SGIP1: variants seen among roughly 807,000 people sequenced by gnomAD.
SGIP1 encodes SH3-containing GRB2-like protein 3-interacting protein 1.
Under a neutral mutation model 107.5 loss-of-function variants are expected in SGIP1, and 38 were observed. The ratio of observed to expected loss-of-function variants is 0.35; its 90% CI spans 0.27 to 0.46. The LOEUF (loss-of-function observed/expected upper bound fraction) is 0.46, where lower values mean the gene tolerates loss of function less well. Ranked by LOEUF, SGIP1 falls within the 20% of genes least tolerant of loss-of-function variation. The pLI is 1.00. For synonymous variants in SGIP1, 365 were observed against 366.1 expected (o/e 1.00, Z 0.03); for missense variants, 929 against 1,019.5 (o/e 0.91, Z 1.21).
Position 66,682,398 on chromosome 1 carries a change from G to T in SGIP1, c.1315+29G>T, listed in dbSNP as rs1364115761. ...TGTCTTATGCTTGAGTGTGCTTCTT[G>T]TGACGGGGAATGGCCATGGCTGCTG... On this transcript the variant is annotated intron_variant, in intron 15 of 24. Coordinates refer to ENST00000371037, the MANE Select transcript of SGIP1 (RefSeq NM_032291.4). 8 of 1,578,870 alleles carry T rather than the reference G, an allele frequency of 5.1e-6. No homozygotes were observed. In the South Asian group the frequency reaches 9.4e-5, roughly 19 times the overall value.
At chr1:66,734,171 T>C (rs954615945) in intron 21 of SGIP1, among the ~76,000 whole-genome samples, 3 of 152,102 alleles carry the variant, frequency 2.0e-5, no homozygotes, top group Non-Finnish European at 4.4e-5. Context: ...AGATTATAAG[T>C]TTATATTGAT....
At chr1:66,742,933 T>C (rs2094504097) in intron 24 of SGIP1, 140 bp from the exon 25 acceptor site, 2 of 759,758 alleles carry the variant, frequency 2.6e-6, no homozygotes, top group South Asian at 3.6e-5. Flanking sequence ...ACTTTATGTA[T>C]CTTTTATTCG....
In SGIP1 at chr1:66,750,547, A is replaced by G. The variant is rs2094609947; in HGVS notation, c.*7452A>G. 6.6e-6 allele frequency among the ~76,000 whole-genome samples: 1 copy of G among 152,256 alleles called. No individual in the cohort carries two copies. The highest frequency in any genetic ancestry group is 6.5e-5 in the Admixed American group (1 of 15,288). Reference sequence around the variant, plus strand: ...TTCTTTTTAATCTTGTACTAAGTACATAATTTCACAAAAATACCTTGGGCA... The same window carrying G: ...TTCTTTTTAATCTTGTACTAAGTACGTAATTTCACAAAAATACCTTGGGCA... On this transcript the variant is annotated 3_prime_UTR_variant, in exon 25 of 25. Coordinates refer to ENST00000371037, the MANE Select transcript of SGIP1 (RefSeq NM_032291.4).
intron 18 of SGIP1, among the ~76,000 whole-genome samples, chr1:66,697,185 T>A (rs1171076656): frequency 6.6e-6 from 1 of 152,228 alleles, no homozygotes; most frequent in East Asian, 1.9e-4. Flanking sequence ...AGAGATCTTT[T>A]TTGAAGAAAC....
chr1:66,544,164 A>G (rs906315144), intron 1 of SGIP1, among the ~76,000 whole-genome samples: 1 of 152,286 alleles, frequency 6.6e-6, no homozygotes, highest in South Asian at 2.1e-4. Context: ...AGTTACAAGC[A>G]TACTCTATCA....
intron 19 of SGIP1, among the ~76,000 whole-genome samples, chr1:66,724,622 G>C (rs531990128): frequency 9.9e-5 from 15 of 152,220 alleles, no homozygotes; most frequent in African/African-American, 3.4e-4. Flanking sequence ...GAAAGCAGAG[G>C]CTATTTTGCT....
chr1:66,568,596 G>A (rs1231446435), intron 1 of SGIP1, among the ~76,000 whole-genome samples: 1 of 151,990 alleles, frequency 6.6e-6, no homozygotes, highest in African/African-American at 2.4e-5. Context: ...AATGCTTCCA[G>A]CTTTTGCCTA....
Position 66,743,070 on chromosome 1 carries a change from C to T in SGIP1, c.2465-3C>T. The T allele has an allele frequency of 6.2e-7, 1 of 1,613,406 alleles. No individual in the cohort carries two copies. The highest frequency in any genetic ancestry group is 1.3e-5 in the African/African-American group (1 of 74,996). On this transcript the variant is annotated splice_polypyrimidine_tract_variant and splice_region_variant and intron_variant, in intron 24 of 24. Transcript: ENST00000371037. The stretch of plus-strand genomic sequence containing the variant: ...CCTGTTGACATGCTGTTTTGTTTTG[C>T]AGGAAAATACTTGGCAGATAACTAA...
At chr1:66,642,702 TAAAAG>T (rs538771429) in intron 5 of SGIP1, 103 bp from the exon 6 acceptor site, 719 of 917,184 alleles carry the variant, frequency 7.8e-4, no homozygotes, top group African/African-American at 1.4e-3. Context: ...CTTCATCTCC[TAAAAG>T]AAAAGACTTT....
At chr1:66,589,114 C>T (rs1247773142) in intron 1 of SGIP1, among the ~76,000 whole-genome samples, 3 of 134,090 alleles carry the variant, frequency 2.2e-5, no homozygotes, top group African/African-American at 8.1e-5. Flanking sequence ...TAATTTTTTC[C>T]ACTTAGATTC....
At chr1:66,608,237 A>G (rs551112489) in intron 1 of SGIP1, among the ~76,000 whole-genome samples, 1 of 152,378 alleles carries the variant, frequency 6.6e-6, no homozygotes, top group East Asian at 1.9e-4. Context: ...GTGATAATGC[A>G]TGAAAAGTAC....
At chr1:66,610,902 A>G (rs796582709) in intron 1 of SGIP1, among the ~76,000 whole-genome samples, 1 of 152,122 alleles carries the variant, frequency 6.6e-6, no homozygotes. Flanking sequence ...CAAACATTGT[A>G]TGCTCTCACT....
Position 66,675,541 on chromosome 1 carries a change from C to CTTTTT in SGIP1, c.647-1449_647-1445dup, listed in dbSNP as rs71242802. Among the ~76,000 whole-genome samples, 40 of 112,376 alleles carry CTTTTT rather than the reference C, an allele frequency of 3.6e-4. 1 individual carries two copies. Among genetic ancestry groups the CTTTTT allele is most frequent in the African/African-American group, 7.4e-4 (19 of 25,692 alleles). The allele number at this position is 112,376 out of a possible 152,430, so 73.7% of individuals were successfully genotyped here. A position where few individuals can be genotyped will look rare whatever the true frequency, so the allele number is the denominator to read the frequency against. On this transcript the variant is annotated intron_variant, in intron 12 of 24. Transcript: ENST00000371037. ...GTTGTTTTTCTTTTTCTTTTTCTTTCTTTTTTTTTTTTTTTTTTGACAGAA... is the reference window on the plus strand; with the variant it reads ...GTTGTTTTTCTTTTTCTTTTTCTTTCTTTTTTTTTTTTTTTTTTTTTTTGACAGAA...
intron 18 of SGIP1, among the ~76,000 whole-genome samples, chr1:66,709,049 T>C (rs983762982): frequency 1.3e-5 from 2 of 150,762 alleles, no homozygotes; most frequent in Admixed American, 6.6e-5. Flanking sequence ...CTGGGATACA[T>C]GCGCAGAGTT....
Position 66,690,172 on chromosome 1 carries a change from C to A in SGIP1, c.1444-18C>A, listed in dbSNP as rs1553157304. On this transcript the variant is annotated intron_variant, in intron 16 of 24. Transcript: ENST00000371037. ...AACCTGTGTATCTAACTTTTCATCTCTTTTCTTCTCCTTACAGTCCAGACC... is the reference window on the plus strand; with the variant it reads ...AACCTGTGTATCTAACTTTTCATCTATTTTCTTCTCCTTACAGTCCAGACC... 3 of 1,600,206 alleles carry A rather than the reference C, an allele frequency of 1.9e-6. No individual in the cohort carries two copies. The highest frequency in any genetic ancestry group is 2.6e-6 in the Non-Finnish European group (3 of 1,173,088).
At chr1:66,664,098 C>T (rs985613023) in intron 8 of SGIP1, among the ~76,000 whole-genome samples, 1 of 152,040 alleles carries the variant, frequency 6.6e-6, no homozygotes, top group Admixed American at 6.6e-5. Context: ...TCCCATACTT[C>T]TTTCTACACC....
At chr1:66,582,898 T>C (rs2062018814) in intron 1 of SGIP1, among the ~76,000 whole-genome samples, 1 of 151,590 alleles carries the variant, frequency 6.6e-6, no homozygotes, top group Non-Finnish European at 1.5e-5. Context: ...AGATGCTGTA[T>C]GCTAGGAAAA....
At chr1:66,555,138 C>T (rs540469517) in intron 1 of SGIP1, among the ~76,000 whole-genome samples, 8 of 152,170 alleles carry the variant, frequency 5.3e-5, no homozygotes, top group South Asian at 2.1e-4. Flanking sequence ...ATGCTACTCC[C>T]GGAATCCTGA....
intron 1 of SGIP1, among the ~76,000 whole-genome samples, chr1:66,572,302 A>G (rs1443938713): frequency 3.3e-5 from 5 of 152,088 alleles, no homozygotes; most frequent in Non-Finnish European, 7.4e-5. Context: ...ATATGCTAAT[A>G]TTTCACTTGT....
Sources: gnomAD v4.1 joint callset for allele counts (sites outside exome capture counted in the v4.1 genomes callset) on GRCh38, gnomAD v4.1.1 for gene constraint, MANE v1.5 for transcripts, NCBI Gene and HGNC (gene_info 2026-07-23, HGNC 2026-07-21) for gene names.